Variants in ZZZ3 observed in about 807,000 individuals in gnomAD.
ZZZ3 encodes the protein ZZ-type zinc finger-containing protein 3.
In ZZZ3, 22 loss-of-function variants were observed where a neutral mutation model predicts 95.2. The ratio of observed to expected loss-of-function variants is 0.23; its 90% confidence interval spans 0.17 to 0.33. The LOEUF is 0.33. Among genes scored for constraint, ZZZ3 ranks in the 10% least tolerant of loss-of-function variants. The pLI is 1.00. For missense variants in ZZZ3, 885 were observed against 1,066.5 expected (o/e 0.83, Z 2.37); for synonymous variants, 335 against 358.9 (o/e 0.93, Z 0.75).
At chr1:77,566,329 T>C in intron 13 of ZZZ3, 148 bp from the exon 14 acceptor site, 1 of 488,348 alleles carries the variant, frequency 2.0e-6, no homozygotes, top group Non-Finnish European at 3.6e-6. Flanking sequence ...AATGGTTATG[T>C]GTTAGAGACA....
intron 1 of ZZZ3, among the ~76,000 whole-genome samples, chr1:77,674,736 G>C (rs916099402): frequency 6.6e-5 from 10 of 152,064 alleles, no homozygotes; most frequent in Non-Finnish European, 1.0e-4. Flanking sequence ...CAGATCACTT[G>C]AGGTCAGGAG....
At chr1:77,648,685 C>G (rs910007562) in intron 1 of ZZZ3, among the ~76,000 whole-genome samples, 1 of 152,028 alleles carries the variant, frequency 6.6e-6, no homozygotes. Context: ...AGAGTGGAAA[C>G]AAAACCATGA....
chr1:77,657,536 A>G (rs1345103850), intron 1 of ZZZ3, among the ~76,000 whole-genome samples: 2 of 152,236 alleles, frequency 1.3e-5, no homozygotes, highest in Non-Finnish European at 2.9e-5. Flanking sequence ...AAATGTGTAC[A>G]TCAAGCAACT....
At chr1:77,613,981 T>A (rs1333457220) in intron 5 of ZZZ3, among the ~76,000 whole-genome samples, 3 of 152,150 alleles carry the variant, frequency 2.0e-5, no homozygotes, top group Non-Finnish European at 2.9e-5. Context: ...CTGCATGACA[T>A]CTTTTTAAAA....
chr1:77,599,148 A>C (rs1368778716), intron 5 of ZZZ3, among the ~76,000 whole-genome samples: 2 of 152,110 alleles, frequency 1.3e-5, no homozygotes, highest in Non-Finnish European at 2.9e-5. Flanking sequence ...ATAAATAGTA[A>C]AAGTAGTATT....
At chr1:77,657,168 G>T in intron 1 of ZZZ3, among the ~76,000 whole-genome samples, 1 of 152,088 alleles carries the variant, frequency 6.6e-6, no homozygotes, top group East Asian at 1.9e-4. Flanking sequence ...TTTTAGTAGA[G>T]ATGGGGTTTC....
At chr1:77,578,336 G>A (rs745383837) in intron 11 of ZZZ3, among the ~76,000 whole-genome samples, 5 of 152,066 alleles carry the variant, frequency 3.3e-5, no homozygotes, top group Admixed American at 6.5e-5. Context: ...AGCCTCCCAA[G>A]TAGCTGGGAC....
intron 1 of ZZZ3, among the ~76,000 whole-genome samples, chr1:77,644,679 C>T (rs1300668989): frequency 6.6e-6 from 1 of 152,192 alleles, no homozygotes; most frequent in African/African-American, 2.4e-5. Flanking sequence ...ATAATACCTG[C>T]CTACTACCTC....
At chr1:77,616,709 T>C (rs2100761641) in intron 5 of ZZZ3, among the ~76,000 whole-genome samples, 1 of 151,848 alleles carries the variant, frequency 6.6e-6, no homozygotes, top group East Asian at 1.9e-4. Flanking sequence ...CTAAAACAAA[T>C]ACAAAAATTA....
At position 77,565,638 on chromosome 1, in the gene ZZZ3, T is replaced by C. The variant is rs2100442721; in HGVS notation, c.*2A>G. 13 of 1,613,476 alleles carry C rather than the reference T, an allele frequency of 8.1e-6. No homozygotes were observed. The East Asian group carries it at 2.7e-4, about 33-fold the overall frequency. Reference sequence around the variant, plus strand: ...GACTAGTAAATGATGTTCTCTTCCATGTCATCTGTTTGCTGGAAAGTAGTT... The same window carrying C: ...GACTAGTAAATGATGTTCTCTTCCACGTCATCTGTTTGCTGGAAAGTAGTT... On this transcript the variant is annotated 3_prime_UTR_variant, in exon 15 of 15. Transcript: ENST00000370801.
intron 5 of ZZZ3, among the ~76,000 whole-genome samples, chr1:77,601,708 T>C (rs1278193935): frequency 6.6e-6 from 1 of 152,192 alleles, no homozygotes; most frequent in African/African-American, 2.4e-5. Flanking sequence ...ATCATCATCA[T>C]TTTGCATTGA....
chr1:77,641,495 CTTAA>C, intron 2 of ZZZ3, 23 bp downstream of exon 2: 1 of 397,990 alleles, frequency 2.5e-6, no homozygotes. Flanking sequence ...CCCACATGGC[CTTAA>C]TTAAGATTAC....
intron 1 of ZZZ3, among the ~76,000 whole-genome samples, chr1:77,654,382 G>C (rs1670084941): frequency 6.6e-6 from 1 of 151,946 alleles, no homozygotes; most frequent in Non-Finnish European, 1.5e-5. Context: ...CATGAGGCCA[G>C]GATTAGTCTG....
intron 12 of ZZZ3, 30 bp downstream of exon 12, chr1:77,576,038 G>A (rs371630623): frequency 3.8e-6 from 6 of 1,558,768 alleles, no homozygotes; most frequent in Non-Finnish European, 5.2e-6. Flanking sequence ...ATACCTTGAT[G>A]TATATAACAA....
chr1:77,638,614 G>A (rs1209732518), intron 4 of ZZZ3, among the ~76,000 whole-genome samples: 1 of 152,066 alleles, frequency 6.6e-6, no homozygotes, highest in Non-Finnish European at 1.5e-5. Flanking sequence ...TGAGCAGCTG[G>A]CAATCTTCCA....
At chr1:77,578,281 C>T (rs1018875356) in intron 11 of ZZZ3, among the ~76,000 whole-genome samples, 1 of 152,030 alleles carries the variant, frequency 6.6e-6, no homozygotes, top group Non-Finnish European at 1.5e-5. Context: ...ACTATGTTGC[C>T]TAAGTTGGAC....
intron 3 of ZZZ3, 65 bp from the exon 4 acceptor site, chr1:77,639,667 C>A (rs139127516): frequency 2.6e-6 from 1 of 388,670 alleles, no homozygotes; most frequent in African/African-American, 2.1e-5. Context: ...AATAGATTTA[C>A]TCCTTCTATA....
intron 1 of ZZZ3, among the ~76,000 whole-genome samples, chr1:77,678,648 T>C (rs777734609): frequency 2.6e-5 from 4 of 152,224 alleles, no homozygotes; most frequent in Non-Finnish European, 4.4e-5. Flanking sequence ...TAGTTCCACC[T>C]ACTTTTTAAT....
chr1:77,581,131 C>T, intron 8 of ZZZ3, 62 bp from the exon 9 acceptor site: 1 of 1,236,422 alleles, frequency 8.1e-7, no homozygotes, highest in African/African-American at 1.5e-5. Context: ...TTGATATAGC[C>T]AAATAACACG....
Sources: gnomAD v4.1 joint callset for allele counts (sites outside exome capture counted in the v4.1 genomes callset) on GRCh38, gnomAD v4.1.1 for gene constraint, MANE v1.5 for transcripts, NCBI Gene and HGNC (gene_info 2026-07-23, HGNC 2026-07-21) for gene names.